Variants in CACNA1C observed in about 807,000 individuals in gnomAD.
The protein encoded by CACNA1C is calcium voltage-gated channel subunit alpha1 C.
CACNA1C carries 30 observed loss-of-function variants against 229.0 expected under a neutral mutation model. The observed-to-expected ratio is 0.13, with a 90% confidence interval of 0.10 to 0.18. The LOEUF is 0.18. Among genes scored for constraint, CACNA1C ranks in the 10% least tolerant of loss-of-function variants. The pLI, the probability that CACNA1C is intolerant of heterozygous loss-of-function variation, is 1.00. For missense variants in CACNA1C, 1,658 were observed against 2,845.0 expected (o/e 0.58, Z 9.49); for synonymous variants, 1,114 against 1,132.5 (o/e 0.98, Z 0.33).
At chr12:2,561,971 G>A (rs2047706515) in intron 11 of CACNA1C, among the ~76,000 whole-genome samples, 1 of 152,160 alleles carries the variant, frequency 6.6e-6, no homozygotes, top group South Asian at 2.1e-4. Context: ...TTATACAGTA[G>A]GAAGTGTTGC....
chr12:2,094,185 C>T (rs2072747825), intron 1 of CACNA1C, among the ~76,000 whole-genome samples: 2 of 152,202 alleles, frequency 1.3e-5, no homozygotes, highest in Admixed American at 1.3e-4. Flanking sequence ...CAGTTGTAAT[C>T]TCAGTGGCAT....
chr12:2,513,597 C>T lies in CACNA1C; in HGVS notation c.1390+613C>T, dbSNP rs573548819. On this transcript the variant is annotated intron_variant, in intron 9 of 46. Transcript: ENST00000399655. ...CCCTTCCTTGGGGGTTCACGTGGCC[C>T]CTTGTTGGATAGGCTGTGGCTGAGA... 3.9e-5 allele frequency among the ~76,000 whole-genome samples: 6 copies of T among 152,252 alleles called. No homozygotes were observed. The South Asian group carries it at 1.2e-3, about 32-fold the overall frequency.
chr12:2,457,964 A>G (rs1179142536), intron 5 of CACNA1C, among the ~76,000 whole-genome samples: 8 of 152,222 alleles, frequency 5.3e-5, no homozygotes, highest in Non-Finnish European at 7.3e-5. Flanking sequence ...AATCCTACAT[A>G]AAGGAAGTGG....
chr12:2,464,607 A>G (rs2099537676), intron 5 of CACNA1C, among the ~76,000 whole-genome samples: 1 of 152,192 alleles, frequency 6.6e-6, no homozygotes, highest in Admixed American at 6.5e-5. Flanking sequence ...GTCCTAATGG[A>G]ATGCTTTAAG....
intron 3 of CACNA1C, among the ~76,000 whole-genome samples, chr12:2,254,264 T>C (rs564180531): frequency 1.3e-5 from 2 of 152,124 alleles, no homozygotes; most frequent in Non-Finnish European, 2.9e-5. Context: ...AGAGTATCAG[T>C]ACAGAGGAGA....
chr12:2,605,467 G>A lies in CACNA1C; in HGVS notation c.3049-212G>A, dbSNP rs1230909424. ...TCCACTGTAAGATGGGAGGTTGGCA[G>A]GACTTTTGTCCTTGTAGTCACGGAG... On this transcript the variant is annotated intron_variant, in intron 23 of 46. Transcript: ENST00000399655. This position sits in a 1 kb window ranked among gnomAD's most constrained non-coding sequence, Gnocchi z 6.2. Among the ~76,000 whole-genome samples, 3 of 152,204 alleles carry A rather than the reference G, an allele frequency of 2.0e-5. No homozygotes were observed. Among genetic ancestry groups the A allele is most frequent in the East Asian group, 1.9e-4 (1 of 5,190 alleles).
intron 3 of CACNA1C, among the ~76,000 whole-genome samples, chr12:2,405,372 G>A (rs1269553800): frequency 1.3e-5 from 2 of 152,100 alleles, no homozygotes; most frequent in South Asian, 2.1e-4. Context: ...CAGTTCCTTC[G>A]CTATGGAGAT....
In CACNA1C at chr12:2,691,780, C is replaced by G. The variant is rs1211136717; in HGVS notation, c.*581C>G. 6.6e-6 allele frequency: 1 copy of G among 152,400 alleles called. No individual in the cohort carries two copies. The highest frequency in any genetic ancestry group is 2.4e-5 in the African/African-American group (1 of 41,446). The allele number at this position is 152,400 out of a possible 1,614,324, so 9.4% of individuals were successfully genotyped here. On this transcript the variant is annotated 3_prime_UTR_variant, in exon 47 of 47. Coordinates refer to ENST00000399655, the MANE Select transcript of CACNA1C (RefSeq NM_000719.7). ...TCCCTGCCCACCTGCGACGGGATCC[C>G]CCGACCGGCACGGGCCACGCCGAGC...
intron 9 of CACNA1C, among the ~76,000 whole-genome samples, chr12:2,516,913 T>TGGGGTG (rs769662590): frequency 6.6e-6 from 1 of 152,166 alleles, no homozygotes; most frequent in Non-Finnish European, 1.5e-5. Flanking sequence ...ATAAGATCAC[T>TGGGGTG]GGGGTGTGAG....
At chr12:2,590,848 C>T (rs1026778141) in intron 18 of CACNA1C, among the ~76,000 whole-genome samples, 2 of 152,154 alleles carry the variant, frequency 1.3e-5, no homozygotes, top group African/African-American at 2.4e-5. Flanking sequence ...TGGGTCATTT[C>T]GAGCAAAACT....
chr12:2,220,864 T>A (rs1342830242), intron 3 of CACNA1C: 1 of 152,166 alleles, frequency 6.6e-6, no homozygotes, highest in Non-Finnish European at 1.5e-5. Context: ...TCTGTGCATA[T>A]GAGGGCAAGA....
At chr12:2,228,400 G>A (rs113937823) in intron 3 of CACNA1C, among the ~76,000 whole-genome samples, 1 of 152,152 alleles carries the variant, frequency 6.6e-6, no homozygotes, top group Non-Finnish European at 1.5e-5. Context: ...CTTAAACTCA[G>A]ATCTGTCTGG....
chr12:2,463,293 C>T (rs990616277), intron 5 of CACNA1C, among the ~76,000 whole-genome samples: 9 of 151,994 alleles, frequency 5.9e-5, no homozygotes, highest in African/African-American at 1.9e-4. Context: ...TAGATGATTG[C>T]GAGGGTACAA....
At chr12:2,308,857 A>C (rs898775818) in intron 3 of CACNA1C, among the ~76,000 whole-genome samples, 1 of 152,244 alleles carries the variant, frequency 6.6e-6, no homozygotes, top group African/African-American at 2.4e-5. Flanking sequence ...TGAGGATATG[A>C]AAACAAGGGA....
intron 8 of CACNA1C, among the ~76,000 whole-genome samples, chr12:2,511,666 A>C (rs1291953431): frequency 6.6e-6 from 1 of 152,102 alleles, no homozygotes; most frequent in South Asian, 2.1e-4. Flanking sequence ...ATACTCCCCT[A>C]TGCCTATTTT....
At chr12:2,612,118 G>C (rs1488754066) in intron 29 of CACNA1C, 105 bp downstream of exon 29, 3 of 725,808 alleles carry the variant, frequency 4.1e-6, no homozygotes, top group African/African-American at 1.7e-5. Context: ...AGGGAAAAAG[G>C]CATCGGTGAA....
At chr12:1,981,935 C>T (rs984059008) in intron 1 of CACNA1C, among the ~76,000 whole-genome samples, 1 of 152,126 alleles carries the variant, frequency 6.6e-6, no homozygotes, top group Non-Finnish European at 1.5e-5. Flanking sequence ...TAGTTGTTTG[C>T]TTGGAGCATT....
chr12:2,058,587 G>C (rs769353302), intron 1 of CACNA1C, among the ~76,000 whole-genome samples: 5 of 152,140 alleles, frequency 3.3e-5, no homozygotes, highest in Non-Finnish European at 7.3e-5. Context: ...AATATTTAGG[G>C]ACAGAAGTGC....
intron 29 of CACNA1C, chr12:2,614,044 G>A (rs1427197616): frequency 6.6e-6 from 1 of 152,176 alleles, no homozygotes; most frequent in African/African-American, 2.4e-5. Flanking sequence ...GAGACATACA[G>A]ACAACCTTCC....
Sources: allele counts gnomAD v4.1 joint callset (sites outside exome capture counted in the v4.1 genomes callset), GRCh38; gene constraint gnomAD v4.1.1; non-coding constraint Gnocchi (gnomAD v3.1); transcripts MANE v1.5; gene names NCBI Gene and HGNC (gene_info 2026-07-23, HGNC 2026-07-21).